The following AFAP1 variants were observed in gnomAD, a reference collection of about 807,000 sequenced individuals.
AFAP1 encodes actin filament-associated protein 1.
In AFAP1, 75 loss-of-function variants were observed where a neutral mutation model predicts 93.9. That is an observed-to-expected ratio of 0.80 (90% CI 0.66 to 0.97). The LOEUF is 0.97. Ranked by LOEUF, AFAP1 falls within the 50% of genes least tolerant of loss-of-function variation. AFAP1 has a pLI of 0.00. For synonymous variants in AFAP1, 517 were observed against 430.7 expected, an observed-to-expected ratio of 1.20 and a Z score of -2.48; for missense variants, 1,201 against 1,050.8, an observed-to-expected ratio of 1.14 and a Z score of -1.98.
At position 7,819,084 on chromosome 4, in the gene AFAP1, G is replaced by C; in HGVS notation, c.814C>G (p.Leu272Val). Residue 272 changes from leucine (L) to valine (V), a missense_variant, in exon 7 of 18, where the codon CTG (leucine) becomes GTG (valine). Leu to Val is a conservative substitution (Grantham distance 32, BLOSUM62 1). Coordinates refer to ENST00000420658, the MANE Select transcript of AFAP1 (RefSeq NM_001134647.2). Reference protein sequence around the residue: ...PPSSPVHKAELEKKLSSERPS... With the variant: ...PPSSPVHKAEVEKKLSSERPS... ...AAGAGCAGCGCCCTTACCTTCTCCA[G>C]TTCTGCCTTGTGCACCGGGGAGCTT... The C allele has an allele frequency of 6.2e-7, 1 of 1,612,100 alleles. No individual in the cohort carries two copies.
In AFAP1 at chr4:7,899,206, T is replaced by C. The variant is rs139833934; in HGVS notation, c.-2-27126A>G. Among the ~76,000 whole-genome samples, 294 of 152,154 alleles carry C rather than the reference T, an allele frequency of 1.9e-3. 1 individual carries two copies. The highest frequency in any genetic ancestry group is 6.7e-3 in the African/African-American group (277 of 41,522). On this transcript the variant is annotated intron_variant, in intron 1 of 17. Coordinates refer to ENST00000420658, the MANE Select transcript of AFAP1 (RefSeq NM_001134647.2). ...ATAACCTCCTAGATAGGGCAATGAA[T>C]GAACTAAGTTTTGCACCTATAGGCG...
At chr4:7,887,937 C>T (rs1438430903) in intron 1 of AFAP1, among the ~76,000 whole-genome samples, 1 of 152,282 alleles carries the variant, frequency 6.6e-6, no homozygotes, top group South Asian at 2.1e-4. Flanking sequence ...AGCGATACTC[C>T]TGCCTCAGCC....
chr4:7,849,955 G>A lies in AFAP1; in HGVS notation c.334+5511C>T, dbSNP rs186892190. On this transcript the variant is annotated intron_variant, in intron 4 of 17. Transcript: ENST00000420658. ...TGACCATGTAAAAGGGGCTGGGGAT[G>A]GGGGGTGGAGGGCAGTGAGCAGGGG... Among the ~76,000 whole-genome samples the A allele has an allele frequency of 1.3e-4, 20 of 152,266 alleles. 1 individual carries two copies. In the East Asian group the frequency reaches 3.1e-3, roughly 24 times the overall value.
At chr4:7,910,760 A>G (rs895960235) in intron 1 of AFAP1, among the ~76,000 whole-genome samples, 1 of 152,230 alleles carries the variant, frequency 6.6e-6, no homozygotes, top group South Asian at 2.1e-4. Context: ...CACATGTGCT[A>G]TGATGCTGTC....
At chr4:7,806,987 G>A (rs1223285636) in intron 9 of AFAP1, among the ~76,000 whole-genome samples, 2 of 152,080 alleles carry the variant, frequency 1.3e-5, no homozygotes. Flanking sequence ...TAAGGGGAAG[G>A]CCTGTGGGAC....
At position 7,886,022 on chromosome 4, in the gene AFAP1, C is replaced by T. The variant is rs549539069; in HGVS notation, c.-2-13942G>A. Among the ~76,000 whole-genome samples the T allele has an allele frequency of 8.1e-4, 124 of 152,250 alleles. 1 individual carries two copies. Among genetic ancestry groups the T allele is most frequent in the African/African-American group, 1.8e-3 (76 of 41,530 alleles). Reference sequence around the variant, plus strand: ...TCTTCCAATTATTTCCACAGGCCTCCGCAGATCATCCAAATGCGCTGCTTA... The same window carrying T: ...TCTTCCAATTATTTCCACAGGCCTCTGCAGATCATCCAAATGCGCTGCTTA... On this transcript the variant is annotated intron_variant, in intron 1 of 17. Coordinates refer to ENST00000420658, the MANE Select transcript of AFAP1 (RefSeq NM_001134647.2).
chr4:7,933,893 G>C (rs1221085327), intron 1 of AFAP1, among the ~76,000 whole-genome samples: 1 of 152,240 alleles, frequency 6.6e-6, no homozygotes, highest in Non-Finnish European at 1.5e-5. Context: ...CTACCCCACA[G>C]AACTGTGAGA....
chr4:7,889,559 G>GA lies in AFAP1; in HGVS notation c.-2-17480dup, dbSNP rs373929691. Among the ~76,000 whole-genome samples, 230 of 113,740 alleles carry GA rather than the reference G, an allele frequency of 2.0e-3. 1 individual carries two copies. The highest frequency in any genetic ancestry group is 5.7e-3 in the African/African-American group (166 of 29,350). The allele number at this position is 113,740 out of a possible 152,430, so 74.6% of individuals were successfully genotyped here. A position where few individuals can be genotyped will look rare whatever the true frequency, so the allele number is the denominator to read the frequency against. ...CTCCATCCCAAAAAAAAAAAAAAAA[G>GA]AAAAAAAAAAAGGCATACATATAAA... On this transcript the variant is annotated intron_variant, in intron 1 of 17. Coordinates refer to ENST00000420658, the MANE Select transcript of AFAP1 (RefSeq NM_001134647.2).
At chr4:7,821,510 C>T (rs1446719150) in intron 6 of AFAP1, among the ~76,000 whole-genome samples, 1 of 152,194 alleles carries the variant, frequency 6.6e-6, no homozygotes, top group African/African-American at 2.4e-5. Context: ...CTGAGCTCAT[C>T]AGCAACCAGG....
intron 4 of AFAP1, among the ~76,000 whole-genome samples, chr4:7,850,851 TTTGACCTCATGGATTATCGTTTACCC>T (rs1177958694): frequency 1.3e-5 from 2 of 152,240 alleles, no homozygotes; most frequent in Admixed American, 1.3e-4. Context: ...TGAGTTGCAG[TTTGACCTCATGGATTATCGTTTACCC>T]TTGACCTCCT....
At chr4:7,889,697 T>G (rs1312409268) in intron 1 of AFAP1, among the ~76,000 whole-genome samples, 1 of 98,442 alleles carries the variant, frequency 1.0e-5, no homozygotes. Flanking sequence ...AGCGTTTTTT[T>G]TTTTTTTAAA....
chr4:7,898,399 A>C (rs1718910134), intron 1 of AFAP1, among the ~76,000 whole-genome samples: 1 of 151,488 alleles, frequency 6.6e-6, no homozygotes, highest in Non-Finnish European at 1.5e-5. Flanking sequence ...CAAGAGTGAA[A>C]CTCCATCTCA....
chr4:7,817,422 GA>G (rs1720572052), intron 7 of AFAP1, among the ~76,000 whole-genome samples: 1 of 152,132 alleles, frequency 6.6e-6, no homozygotes. Flanking sequence ...CCAACATGGT[GA>G]AACCCCCGTC....
At chr4:7,894,603 G>C (rs1172369870) in intron 1 of AFAP1, among the ~76,000 whole-genome samples, 2 of 152,140 alleles carry the variant, frequency 1.3e-5, no homozygotes, top group Non-Finnish European at 2.9e-5. Flanking sequence ...GGGAGACAGA[G>C]GGGGCCTGGT....
At chr4:7,834,126 C>T (rs28728426) in intron 6 of AFAP1, among the ~76,000 whole-genome samples, 91 of 130,344 alleles carry the variant, frequency 7.0e-4, no homozygotes, top group Middle Eastern at 7.8e-3. Flanking sequence ...CACACACACA[C>T]ACATATATAC....
At position 7,889,695 on chromosome 4, in the gene AFAP1, T is replaced by G. The variant is rs540516273; in HGVS notation, c.-2-17615A>C. 1.1e-4 allele frequency among the ~76,000 whole-genome samples: 10 copies of G among 87,724 alleles called. No individual in the cohort carries two copies. In the East Asian group the frequency reaches 1.4e-3, roughly 13 times the overall value. 57.6% of individuals were successfully genotyped at this position (87,724 alleles called of 152,430 possible). A position where few individuals can be genotyped will look rare whatever the true frequency, so the allele number is the denominator to read the frequency against. ...CAACTGTACCTCAATGAAGCGTTTT[T>G]TTTTTTTTTAAAAAAAGAACAATTG... On this transcript the variant is annotated intron_variant, in intron 1 of 17. Coordinates refer to ENST00000420658, the MANE Select transcript of AFAP1 (RefSeq NM_001134647.2).
intron 1 of AFAP1, among the ~76,000 whole-genome samples, chr4:7,886,039 C>T (rs982107570): frequency 3.9e-5 from 6 of 152,332 alleles, no homozygotes; most frequent in South Asian, 2.1e-4. Context: ...CATCCAAATG[C>T]GCTGCTTAAA....
At chr4:7,892,686 C>T (rs1718538195) in intron 1 of AFAP1, among the ~76,000 whole-genome samples, 1 of 152,072 alleles carries the variant, frequency 6.6e-6, no homozygotes, top group Non-Finnish European at 1.5e-5. Context: ...TCCAGGGTGC[C>T]TAGAACACGA....
intron 1 of AFAP1, among the ~76,000 whole-genome samples, chr4:7,931,111 G>A (rs111390166): frequency 0.024 from 3,707 of 152,228 alleles, 146 homozygotes; most frequent in African/African-American, 0.083. Flanking sequence ...CAGGAGGAGC[G>A]GGGAGGGTAA....
Sources: gnomAD v4.1 joint callset for allele counts (sites outside exome capture counted in the v4.1 genomes callset) on GRCh38, gnomAD v4.1.1 for gene constraint, MANE v1.5 for transcripts, NCBI Gene and HGNC (gene_info 2026-07-23, HGNC 2026-07-21) for gene names.